The following SPON1 variants were observed in gnomAD, a reference collection of about 807,000 sequenced individuals.
The protein encoded by SPON1 is spondin 1.
SPON1 carries 52 observed loss-of-function variants against 111.7 expected under a neutral mutation model. The ratio of observed to expected loss-of-function variants is 0.47; its 90% CI spans 0.37 to 0.59. The LOEUF (loss-of-function observed/expected upper bound fraction) is 0.59, where lower values mean the gene tolerates loss of function less well. Ranked by LOEUF, SPON1 falls within the 20% of genes least tolerant of loss-of-function variation. The pLI is 0.00. For synonymous variants in SPON1, 410 were observed against 395.8 expected, an observed-to-expected ratio of 1.04 and a Z score of -0.43; for missense variants, 957 against 1,068.5, an observed-to-expected ratio of 0.90 and a Z score of 1.46.
chr11:14,143,646 G>A (rs1847683819), intron 6 of SPON1, among the ~76,000 whole-genome samples: 3 of 151,814 alleles, frequency 2.0e-5, no homozygotes, highest in Admixed American at 2.0e-4. Flanking sequence ...GAATTAGACT[G>A]AGTTGCAGGG....
chr11:14,138,229 C>T (rs568631798), intron 6 of SPON1, among the ~76,000 whole-genome samples: 14 of 152,174 alleles, frequency 9.2e-5, no homozygotes, highest in African/African-American at 1.7e-4. Flanking sequence ...TATAAACTTA[C>T]GGCTCACTGC....
At chr11:14,213,029 T>A (rs1163367749) in intron 6 of SPON1, among the ~76,000 whole-genome samples, 1 of 152,208 alleles carries the variant, frequency 6.6e-6, no homozygotes, top group Admixed American at 6.5e-5. Flanking sequence ...GAGACTCTTT[T>A]AAGGGCTTCT....
At chr11:14,230,724 G>A (rs538727324) in intron 6 of SPON1, among the ~76,000 whole-genome samples, 112 of 152,138 alleles carry the variant, frequency 7.4e-4, no homozygotes, top group Non-Finnish European at 1.2e-3. Flanking sequence ...GCTTGGATGC[G>A]ACCTTTTCTT....
rs114367681 is a variant in SPON1, at chr11:14,122,766, T to C, written c.677-12654T>C. On this transcript the variant is annotated intron_variant, in intron 5 of 15. Coordinates refer to ENST00000576479, the MANE Select transcript of SPON1 (RefSeq NM_006108.4). Reference sequence around the variant, plus strand: ...TTTATCTACCAAAATTCCCTATCTGTTCACTCATTATGTCCATCTTTAAAT... The same window carrying C: ...TTTATCTACCAAAATTCCCTATCTGCTCACTCATTATGTCCATCTTTAAAT... 5.6e-3 allele frequency among the ~76,000 whole-genome samples: 853 copies of C among 152,296 alleles called. 9 individuals carry two copies. The highest frequency in any genetic ancestry group is 0.02 in the African/African-American group (813 of 41,574).
chr11:14,209,600 T>G (rs1179650099), intron 6 of SPON1, among the ~76,000 whole-genome samples: 15 of 152,210 alleles, frequency 9.9e-5, no homozygotes, highest in Admixed American at 8.5e-4. Context: ...CTCATCCTTT[T>G]TTATGGCTGC....
chr11:14,170,858 T>G (rs1339447286), intron 6 of SPON1, among the ~76,000 whole-genome samples: 1 of 152,192 alleles, frequency 6.6e-6, no homozygotes, highest in East Asian at 1.9e-4. Flanking sequence ...TTGATCATGG[T>G]GGATAAGCTT....
rs1473819639 is a variant in SPON1, at chr11:14,173,236, ATTCATTTCG to A, written c.825+37670_825+37678del. On this transcript the variant is annotated intron_variant, in intron 6 of 15. Coordinates refer to ENST00000576479, the MANE Select transcript of SPON1 (RefSeq NM_006108.4). Reference sequence around the variant, plus strand: ...TAAACTTCTCTTCTCACTTCATTTCATTCATTTCGTCTTCCATCGCTGATACCCTTTCTT... The same window carrying A: ...TAAACTTCTCTTCTCACTTCATTTCATCTTCCATCGCTGATACCCTTTCTT... 2.0e-5 allele frequency among the ~76,000 whole-genome samples: 3 copies of A among 151,936 alleles called. No individual in the cohort carries two copies. In the East Asian group the frequency reaches 5.8e-4, roughly 29 times the overall value.
chr11:14,043,464 C>A (rs1027164945), intron 3 of SPON1, among the ~76,000 whole-genome samples: 2 of 152,118 alleles, frequency 1.3e-5, no homozygotes, highest in Non-Finnish European at 2.9e-5. Context: ...ATTGCTGGGG[C>A]CCAGAGACTA....
chr11:14,205,156 T>C (rs1483652910), intron 6 of SPON1, among the ~76,000 whole-genome samples: 4 of 152,350 alleles, frequency 2.6e-5, no homozygotes, highest in African/African-American at 9.6e-5. Context: ...TGTATTCTTG[T>C]TTTAAGATTC....
chr11:14,161,332 T>G (rs1403531881), intron 6 of SPON1, among the ~76,000 whole-genome samples: 4 of 140,650 alleles, frequency 2.8e-5, no homozygotes, highest in Non-Finnish European at 4.5e-5. Context: ...TATTTATATA[T>G]ATATAAGATG....
Position 14,257,604 on chromosome 11 carries a change from A to G in SPON1, c.1310-112A>G, listed in dbSNP as rs1391185820. 3.0e-6 allele frequency: 3 copies of G among 988,712 alleles called. No homozygotes were observed. In the South Asian group the frequency reaches 6.1e-5, roughly 20 times the overall value. The allele number at this position is 988,712 out of a possible 1,614,324, so 61.2% of individuals were successfully genotyped here. A position where few individuals can be genotyped will look rare whatever the true frequency, so the allele number is the denominator to read the frequency against. ...ATCCCAGGAGCACCCAGGCTCACTG[A>G]AGTCAGTCTGGCAGCATGGCTTTTC... On this transcript the variant is annotated intron_variant, in intron 10 of 15. Coordinates refer to ENST00000576479, the MANE Select transcript of SPON1 (RefSeq NM_006108.4).
chr11:13,981,938 G>A (rs1554909693), intron 1 of SPON1, among the ~76,000 whole-genome samples: 2 of 152,168 alleles, frequency 1.3e-5, no homozygotes, highest in African/African-American at 4.8e-5. Flanking sequence ...AGCTTGTACA[G>A]GTCAGGCTTG....
intron 1 of SPON1, among the ~76,000 whole-genome samples, chr11:13,978,412 C>T (rs185055394): frequency 2.6e-5 from 4 of 152,256 alleles, no homozygotes; most frequent in East Asian, 3.9e-4. Flanking sequence ...ACGTCAACTC[C>T]GCACTGGTCA....
At chr11:14,207,883 A>G (rs1218519278) in intron 6 of SPON1, among the ~76,000 whole-genome samples, 1 of 152,242 alleles carries the variant, frequency 6.6e-6, no homozygotes, top group Non-Finnish European at 1.5e-5. Flanking sequence ...AAATCATTCT[A>G]TTATAAAGAC....
At chr11:13,978,482 C>A (rs527601339) in intron 1 of SPON1, among the ~76,000 whole-genome samples, 3 of 152,270 alleles carry the variant, frequency 2.0e-5, no homozygotes, top group South Asian at 4.1e-4. Context: ...TAAAGAAACA[C>A]ATAAACACAA....
At chr11:14,210,388 TG>T (rs1418984193) in intron 6 of SPON1, among the ~76,000 whole-genome samples, 420 of 149,990 alleles carry the variant, frequency 2.8e-3, no homozygotes, top group Non-Finnish European at 4.9e-3. Flanking sequence ...TTTTTTTTTT[TG>T]TTTTTTGTTT....
At chr11:14,044,440 T>C (rs1848653443) in intron 3 of SPON1, among the ~76,000 whole-genome samples, 1 of 152,010 alleles carries the variant, frequency 6.6e-6, no homozygotes, top group Non-Finnish European at 1.5e-5. Context: ...GGCAAAACCC[T>C]GTCTTTACTA....
chr11:14,249,135 C>T (rs1302428938), intron 7 of SPON1, among the ~76,000 whole-genome samples: 1 of 152,198 alleles, frequency 6.6e-6, no homozygotes, highest in Non-Finnish European at 1.5e-5. Flanking sequence ...CTGTCACCAC[C>T]TTAAATTATT....
At position 14,205,598 on chromosome 11, in the gene SPON1, T is replaced by A. The variant is rs527271370; in HGVS notation, c.826-37734T>A. Among the ~76,000 whole-genome samples the A allele has an allele frequency of 2.0e-5, 3 of 152,332 alleles. No homozygotes were observed. The South Asian group carries it at 6.2e-4, about 32-fold the overall frequency. ...ATAAAATTTATGATTGCAACAACAT[T>A]AAAAGAGATATTGTATAGAGGTCAC... On this transcript the variant is annotated intron_variant, in intron 6 of 15. Coordinates refer to ENST00000576479, the MANE Select transcript of SPON1 (RefSeq NM_006108.4).
Sources: allele counts gnomAD v4.1 joint callset (sites outside exome capture counted in the v4.1 genomes callset), GRCh38; gene constraint gnomAD v4.1.1; transcripts MANE v1.5; gene names NCBI Gene and HGNC (gene_info 2026-07-23, HGNC 2026-07-21).